Variants in FOXP1 observed in about 807,000 individuals in gnomAD.
FOXP1 encodes forkhead box protein P1.
FOXP1 carries 15 observed loss-of-function variants against 98.2 expected under a neutral mutation model. The ratio of observed to expected loss-of-function variants is 0.15; its 90% confidence interval spans 0.10 to 0.24. The LOEUF (loss-of-function observed/expected upper bound fraction) is 0.24, where lower values mean the gene tolerates loss of function less well. Ranked by LOEUF, FOXP1 falls within the 10% of genes least tolerant of loss-of-function variation. The probability of loss-of-function intolerance (pLI) is 1.00; values close to 1 mark genes in which losing one functional copy is unlikely to be tolerated. For synonymous variants in FOXP1, 371 were observed against 314.5 expected (o/e 1.18, Z -1.90); for missense variants, 633 against 848.5 (o/e 0.75, Z 3.15).
chr3:71,165,572 C>G (rs1402561663), intron 6 of FOXP1, among the ~76,000 whole-genome samples: 1 of 152,138 alleles, frequency 6.6e-6, no homozygotes, highest in East Asian at 1.9e-4. Context: ...GGAGAAATTT[C>G]TTCGAAGACA....
chr3:71,382,524 C>A (rs772420022), intron 3 of FOXP1, among the ~76,000 whole-genome samples: 1 of 152,188 alleles, frequency 6.6e-6, no homozygotes, highest in Non-Finnish European at 1.5e-5. Flanking sequence ...ACAAGTCCAA[C>A]TAGAGTTTCA....
At chr3:71,234,860 GCAGCTTCA>G (rs1302426651) in intron 5 of FOXP1, among the ~76,000 whole-genome samples, 8 of 152,176 alleles carry the variant, frequency 5.3e-5, no homozygotes, top group Non-Finnish European at 8.8e-5. Flanking sequence ...TAATGAATCT[GCAGCTTCA>G]GGGCAGAACA....
At chr3:71,024,187 A>G (rs1026532922) in intron 11 of FOXP1, among the ~76,000 whole-genome samples, 3 of 152,230 alleles carry the variant, frequency 2.0e-5, no homozygotes, top group Non-Finnish European at 4.4e-5. Flanking sequence ...ACGTGGGAAC[A>G]GGAGAAACGA....
chr3:70,979,117 TACACAC>T lies in FOXP1; in HGVS notation c.1147-1094_1147-1089del, dbSNP rs374315868. On this transcript the variant is annotated intron_variant, in intron 14 of 20. Coordinates refer to ENST00000649528, the MANE Select transcript of FOXP1 (RefSeq NM_001349338.3). ...CTCTGTCTCCATTAACGCACACACA[TACACAC>T]ACACACAAATTAGCCATGTGTGGTG... Among the ~76,000 whole-genome samples the T allele has an allele frequency of 2.2e-3, 333 of 149,826 alleles. 2 individuals carry two copies. The highest frequency in any genetic ancestry group is 3.5e-3 in the Non-Finnish European group (239 of 67,376).
intron 6 of FOXP1, chr3:71,130,456 T>C: frequency 1.3e-6 from 2 of 1,588,270 alleles, no homozygotes; most frequent in Admixed American, 3.3e-5. Flanking sequence ...GTTTAAAAGT[T>C]TAACCCAGCA....
At chr3:71,309,813 T>G (rs146586063) in intron 4 of FOXP1, among the ~76,000 whole-genome samples, 2 of 151,988 alleles carry the variant, frequency 1.3e-5, no homozygotes, top group African/African-American at 2.4e-5. Context: ...ATGATAAAAA[T>G]GTTCTCACAT....
intron 4 of FOXP1, among the ~76,000 whole-genome samples, chr3:71,318,159 T>G (rs1158217198): frequency 6.6e-6 from 1 of 151,622 alleles, no homozygotes; most frequent in African/African-American, 2.4e-5. Context: ...GCAAGGTTTT[T>G]TTTTTTTTTT....
intron 2 of FOXP1, among the ~76,000 whole-genome samples, chr3:71,516,544 A>G (rs1376434366): frequency 1.3e-5 from 2 of 152,196 alleles, no homozygotes; most frequent in African/African-American, 2.4e-5. Flanking sequence ...ACTAACCAGA[A>G]TAAGACTCAT....
intron 7 of FOXP1, among the ~76,000 whole-genome samples, chr3:71,104,300 G>A (rs1029412850): frequency 5.3e-5 from 8 of 152,136 alleles, no homozygotes; most frequent in Non-Finnish European, 8.8e-5. Flanking sequence ...TCACTGCCAT[G>A]GGAAACCAAG....
chr3:71,533,342 C>CGATG (rs1334302239), intron 2 of FOXP1, among the ~76,000 whole-genome samples: 2 of 152,096 alleles, frequency 1.3e-5, no homozygotes, highest in Non-Finnish European at 2.9e-5. Flanking sequence ...ATGTAAAGAA[C>CGATG]GATGATGAGT....
intron 2 of FOXP1, among the ~76,000 whole-genome samples, chr3:71,556,719 A>AT (rs2046170134): frequency 6.6e-6 from 1 of 151,600 alleles, no homozygotes; most frequent in South Asian, 2.1e-4. Flanking sequence ...TCCCCAAACC[A>AT]TAACAAATAG....
intron 3 of FOXP1, among the ~76,000 whole-genome samples, chr3:71,445,483 T>G (rs1036238883): frequency 6.6e-6 from 1 of 152,072 alleles, no homozygotes; most frequent in Admixed American, 6.5e-5. Context: ...AGTTCTAAGA[T>G]TCTAAGGTAG....
intron 7 of FOXP1, among the ~76,000 whole-genome samples, chr3:71,105,795 CACAG>C (rs944979104): frequency 8.5e-5 from 13 of 152,246 alleles, no homozygotes; most frequent in Admixed American, 5.9e-4. Context: ...CAGGCACACA[CACAG>C]ACAAATAAAG....
At chr3:71,113,877 C>G (rs831445) in intron 6 of FOXP1, among the ~76,000 whole-genome samples, 150,030 of 152,250 alleles carry the variant, frequency 0.99, 73,959 homozygotes, top group East Asian at 1. Context: ...AAAGATGGCA[C>G]TAGGACCAGC....
At chr3:71,477,548 C>T (rs1162470411) in intron 3 of FOXP1, among the ~76,000 whole-genome samples, 3 of 152,128 alleles carry the variant, frequency 2.0e-5, no homozygotes, top group Non-Finnish European at 4.4e-5. Flanking sequence ...TAGGTAAGCT[C>T]GACAAAAGCA....
intron 4 of FOXP1, among the ~76,000 whole-genome samples, chr3:71,356,213 CAAAAAAAAAAA>C (rs3064928): frequency 5.3e-5 from 4 of 75,352 alleles, no homozygotes; most frequent in African/African-American, 1.8e-4. Context: ...CTGACTAAGT[CAAAAAAAAAAA>C]AAAAAAAAAA....
chr3:71,028,551 G>A lies in FOXP1; in HGVS notation c.869+12777C>T, dbSNP rs567396010. On this transcript the variant is annotated intron_variant, in intron 11 of 20. Coordinates refer to ENST00000649528, the MANE Select transcript of FOXP1 (RefSeq NM_001349338.3). ...ATGGTTTGGAGCAGCTACAGGTATCGACAACAGCTAACCAGGTTCTCTTAC... is the reference window on the plus strand; with the variant it reads ...ATGGTTTGGAGCAGCTACAGGTATCAACAACAGCTAACCAGGTTCTCTTAC... 4.6e-5 allele frequency among the ~76,000 whole-genome samples: 7 copies of A among 152,312 alleles called. No homozygotes were observed. The East Asian group carries it at 1.2e-3, about 25-fold the overall frequency.
chr3:71,103,177 A>G (rs868343586), intron 7 of FOXP1, among the ~76,000 whole-genome samples: 4 of 152,202 alleles, frequency 2.6e-5, no homozygotes, highest in African/African-American at 9.7e-5. Context: ...TTCAATGAGT[A>G]AAGTTTGAAT....
intron 5 of FOXP1, among the ~76,000 whole-genome samples, chr3:71,231,949 T>C (rs1338037429): frequency 3.3e-5 from 5 of 152,254 alleles, no homozygotes; most frequent in Non-Finnish European, 4.4e-5. Context: ...TTCAATTGCA[T>C]GTGCAAAGAA....
Sources: allele counts gnomAD v4.1 joint callset (sites outside exome capture counted in the v4.1 genomes callset), GRCh38; gene constraint gnomAD v4.1.1; transcripts MANE v1.5; gene names NCBI Gene and HGNC (gene_info 2026-07-23, HGNC 2026-07-21).